Variants in GPR39 observed in about 807,000 individuals in gnomAD.
The protein encoded by GPR39 is zinc sensing receptor.
GPR39 carries 23 observed loss-of-function variants against 18.4 expected under a neutral mutation model. The observed-to-expected ratio is 1.25, with a 90% CI of 0.90 to 1.77. The LOEUF (loss-of-function observed/expected upper bound fraction) is 1.77. Among genes scored for constraint, GPR39 ranks in the 40% most tolerant of loss-of-function variants. The pLI, the probability that GPR39 is intolerant of heterozygous loss-of-function variation, is 0.00. For synonymous variants in GPR39, 280 were observed against 257.9 expected (o/e 1.09, Z -0.82); for missense variants, 647 against 602.4 (o/e 1.07, Z -0.78).
At chr2:132,584,242 T>C (rs1680681827) in intron 1 of GPR39, among the ~76,000 whole-genome samples, 1 of 152,128 alleles carries the variant, frequency 6.6e-6, no homozygotes, top group Non-Finnish European at 1.5e-5. Flanking sequence ...GGCAGAGTGC[T>C]GCAATGAGTC....
At chr2:132,428,456 C>T (rs1313515658) in intron 1 of GPR39, among the ~76,000 whole-genome samples, 1 of 152,176 alleles carries the variant, frequency 6.6e-6, no homozygotes, top group Non-Finnish European at 1.5e-5. Flanking sequence ...ATGAAGTAAG[C>T]TAGTTCTAGT....
intron 1 of GPR39, among the ~76,000 whole-genome samples, chr2:132,452,736 T>G (rs2104771839): frequency 6.6e-6 from 1 of 152,206 alleles, no homozygotes; most frequent in East Asian, 1.9e-4. Context: ...TGTTTGTTTT[T>G]CTGTCCTTGT....
intron 1 of GPR39, among the ~76,000 whole-genome samples, chr2:132,599,132 G>A (rs766034843): frequency 1.3e-5 from 2 of 151,980 alleles, no homozygotes; most frequent in African/African-American, 4.8e-5. Context: ...AGTTATAAAG[G>A]GGGTGGAGGA....
intron 1 of GPR39, among the ~76,000 whole-genome samples, chr2:132,445,170 A>C (rs4954324): frequency 0.97 from 148,075 of 152,258 alleles, 72,134 homozygotes; most frequent in East Asian, 1. Flanking sequence ...CGTACATGTA[A>C]ACTACTGCAT....
chr2:132,428,301 A>G (rs1366712526), intron 1 of GPR39, among the ~76,000 whole-genome samples: 1 of 152,186 alleles, frequency 6.6e-6, no homozygotes, highest in Non-Finnish European at 1.5e-5. Context: ...TGTGCTTAAC[A>G]TCGTTTGTAC....
chr2:132,645,584 G>C lies in GPR39; in HGVS notation c.1340G>C (p.Gly447Ala), dbSNP rs775041041. The change falls in exon 2 of 2, where the codon GGT becomes GCT. Residue 447 changes from glycine to alanine, a missense_variant. Physicochemically the swap from Gly to Ala is moderately conservative, Grantham distance 60. This residue lies in a region of GPR39 where 581 missense variants were observed against 506.8 expected (regional missense o/e 1.15). Coordinates refer to ENST00000329321, the MANE Select transcript of GPR39 (RefSeq NM_001508.3). The stretch of plus-strand genomic sequence containing the variant: ...CCAGCCAATTCTGCTGCAGAGAATG[G>C]TTTTCAGGAGCATGAAGTTTGAATG... Reference protein sequence around the residue: ...AKPANSAAENGFQEHEV With the variant: ...AKPANSAAENAFQEHEV The C allele has an allele frequency of 6.2e-7, 1 of 1,612,322 alleles. No homozygotes were observed. The highest frequency in any genetic ancestry group is 1.1e-5 in the South Asian group (1 of 90,868).
chr2:132,514,449 C>G (rs1409671635), intron 1 of GPR39, among the ~76,000 whole-genome samples: 1 of 152,322 alleles, frequency 6.6e-6, no homozygotes, highest in South Asian at 2.1e-4. Flanking sequence ...CAGGCTCCCC[C>G]GTGTTAAGCT....
rs777716416 is a variant in GPR39, at chr2:132,645,562, G to T, written c.1318G>T (p.Ala440Ser). The T allele has an allele frequency of 6.2e-7, 1 of 1,614,070 alleles. No individual in the cohort carries two copies. The highest frequency in any genetic ancestry group is 8.5e-7 in the Non-Finnish European group (1 of 1,180,002). Reference protein sequence around the residue: ...SLEPNSGAKPANSAAENGFQE... With the variant: ...SLEPNSGAKPSNSAAENGFQE... ...AGAGCCCAACTCAGGCGCGAAACCAGCCAATTCTGCTGCAGAGAATGGTTT... is the reference window on the plus strand; with the variant it reads ...AGAGCCCAACTCAGGCGCGAAACCATCCAATTCTGCTGCAGAGAATGGTTT... The change falls in exon 2 of 2, where the codon GCC becomes TCC. Residue 440 changes from alanine (A) to serine (S), a missense_variant. By Grantham distance (99) the Ala-to-Ser change is moderately conservative. This residue lies in a region of GPR39 where 581 missense variants were observed against 506.8 expected (regional missense o/e 1.15). Transcript: ENST00000329321.
chr2:132,557,081 CAA>C (rs1164006836), intron 1 of GPR39, among the ~76,000 whole-genome samples: 1 of 103,446 alleles, frequency 9.7e-6, no homozygotes, highest in African/African-American at 4.3e-5. Context: ...TTTGGGAGGC[CAA>C]GGGGGGGGGC....
chr2:132,420,344 A>G (rs191697343), intron 1 of GPR39, among the ~76,000 whole-genome samples: 3 of 152,280 alleles, frequency 2.0e-5, no homozygotes, highest in Admixed American at 2.0e-4. Context: ...TAATTAACTC[A>G]AGTTAGGAAA....
intron 1 of GPR39, among the ~76,000 whole-genome samples, chr2:132,599,267 C>T (rs1681000455): frequency 6.6e-6 from 1 of 152,118 alleles, no homozygotes; most frequent in Non-Finnish European, 1.5e-5. Context: ...AGCAAAGAAA[C>T]ATCTATTTGT....
At chr2:132,422,155 T>A (rs1680023659) in intron 1 of GPR39, among the ~76,000 whole-genome samples, 1 of 152,192 alleles carries the variant, frequency 6.6e-6, no homozygotes, top group Non-Finnish European at 1.5e-5. Flanking sequence ...AGTAAGATTA[T>A]AAAAAGGGCC....
At chr2:132,551,967 AGG>A (rs1159582519) in intron 1 of GPR39, among the ~76,000 whole-genome samples, 1 of 152,226 alleles carries the variant, frequency 6.6e-6, no homozygotes, top group African/African-American at 2.4e-5. Context: ...TGTATTAGTC[AGG>A]GTCCTCCAGA....
At position 132,416,991 on chromosome 2, in the gene GPR39, A is replaced by G. The variant is rs1679912936; in HGVS notation, c.-52A>G. 2 of 1,582,848 alleles carry G rather than the reference A, an allele frequency of 1.3e-6. No homozygotes were observed. The highest frequency in any genetic ancestry group is 1.9e-4 in the Middle Eastern group (1 of 5,248). On this transcript the variant is annotated 5_prime_UTR_variant, in exon 1 of 2. Coordinates refer to ENST00000329321, the MANE Select transcript of GPR39 (RefSeq NM_001508.3). ...AAGAATTTTGGACGCTGCTGGGAGGAGAAAGGGAAGTTGAGAAAGTCTTTG... is the reference window on the plus strand; with the variant it reads ...AAGAATTTTGGACGCTGCTGGGAGGGGAAAGGGAAGTTGAGAAAGTCTTTG...
intron 1 of GPR39, among the ~76,000 whole-genome samples, chr2:132,592,012 T>C (rs1427257525): frequency 6.6e-6 from 1 of 152,204 alleles, no homozygotes; most frequent in Non-Finnish European, 1.5e-5. Context: ...ATTATAATTA[T>C]ATTTCCTTGG....
chr2:132,612,126 G>A (rs1295043647), intron 1 of GPR39, among the ~76,000 whole-genome samples: 3 of 152,110 alleles, frequency 2.0e-5, no homozygotes, highest in Non-Finnish European at 2.9e-5. Flanking sequence ...AAACGCTCAG[G>A]CCAGACAATT....
At chr2:132,609,300 A>G (rs1455782396) in intron 1 of GPR39, among the ~76,000 whole-genome samples, 1 of 152,196 alleles carries the variant, frequency 6.6e-6, no homozygotes, top group Non-Finnish European at 1.5e-5. Flanking sequence ...TAGAGTGCTC[A>G]GAGGGACTAT....
At position 132,535,607 on chromosome 2, in the gene GPR39, A is replaced by G. The variant is rs565375126; in HGVS notation, c.857-109494A>G. Among the ~76,000 whole-genome samples, 3 of 151,334 alleles carry G rather than the reference A, an allele frequency of 2.0e-5. No homozygotes were observed. The South Asian group carries it at 6.3e-4, about 32-fold the overall frequency. On this transcript the variant is annotated intron_variant, in intron 1 of 1. Transcript: ENST00000329321. ...AGTTAGGGAGGAGTCCCTCCTTTTC[A>G]GTTGTTTGGAATAGTTTCAGAAGGA...
chr2:132,493,237 T>G (rs1428866354), intron 1 of GPR39, among the ~76,000 whole-genome samples: 1 of 145,158 alleles, frequency 6.9e-6, no homozygotes, highest in Non-Finnish European at 1.5e-5. Flanking sequence ...ACACCATATA[T>G]ATACACCATA....
Sources: gnomAD v4.1 joint callset for allele counts (sites outside exome capture counted in the v4.1 genomes callset) on GRCh38, gnomAD v4.1.1 for gene constraint, gnomAD v4.1.1 regional missense constraint, MANE v1.5 for transcripts, NCBI Gene and HGNC (gene_info 2026-07-23, HGNC 2026-07-21) for gene names.